GRAMD4: variants seen among roughly 807,000 people sequenced by gnomAD.
The protein encoded by GRAMD4 is GRAM domain containing 4.
Under a neutral mutation model 83.9 loss-of-function variants are expected in GRAMD4, and 25 were observed. That is an observed-to-expected ratio of 0.30 (90% CI 0.22 to 0.42). GRAMD4 has a LOEUF of 0.42. Ranked by LOEUF, GRAMD4 falls within the 10% of genes least tolerant of loss-of-function variation. The pLI, the probability that GRAMD4 is intolerant of heterozygous loss-of-function variation, is 1.00. For synonymous variants in GRAMD4, 336 were observed against 320.9 expected, an observed-to-expected ratio of 1.05 and a Z score of -0.50; for missense variants, 593 against 788.7, an observed-to-expected ratio of 0.75 and a Z score of 2.97.
intron 1 of GRAMD4, among the ~76,000 whole-genome samples, chr22:46,586,428 G>T (rs1211552709): frequency 6.6e-6 from 1 of 152,002 alleles, no homozygotes; most frequent in South Asian, 2.1e-4. Flanking sequence ...CCCCTCCTCT[G>T]TCTGCCCTCC....
intron 3 of GRAMD4, among the ~76,000 whole-genome samples, chr22:46,651,678 G>A (rs2082168526): frequency 6.6e-6 from 1 of 152,214 alleles, no homozygotes; most frequent in African/African-American, 2.4e-5. Context: ...ATGCGCTGTG[G>A]CAGGTCATGC....
chr22:46,642,528 A>G (rs1320031237), intron 3 of GRAMD4, among the ~76,000 whole-genome samples: 7 of 152,212 alleles, frequency 4.6e-5, no homozygotes, highest in Non-Finnish European at 1.0e-4. Flanking sequence ...TCCCTTGATA[A>G]TACACACAAT....
At chr22:46,578,520 G>T (rs1287405389) in intron 1 of GRAMD4, among the ~76,000 whole-genome samples, 2 of 152,326 alleles carry the variant, frequency 1.3e-5, no homozygotes, top group Admixed American at 6.5e-5. Context: ...CTGGGTTGGG[G>T]TTCAAAATGG....
chr22:46,634,236 T>G (rs548605078), intron 2 of GRAMD4, among the ~76,000 whole-genome samples: 1 of 152,276 alleles, frequency 6.6e-6, no homozygotes, highest in East Asian at 1.9e-4. Context: ...AGCTTAATGA[T>G]TATGACTTCC....
intron 1 of GRAMD4, among the ~76,000 whole-genome samples, chr22:46,590,490 T>A (rs951566274): frequency 6.6e-5 from 10 of 152,138 alleles, no homozygotes; most frequent in Non-Finnish European, 1.3e-4. Context: ...CCTGGGCCAC[T>A]GTGTGTGTGA....
At chr22:46,592,047 G>T (rs1193852140) in intron 1 of GRAMD4, among the ~76,000 whole-genome samples, 1 of 152,002 alleles carries the variant, frequency 6.6e-6, no homozygotes, top group Non-Finnish European at 1.5e-5. Context: ...CTTGTCAAGG[G>T]CATCACGGCA....
At chr22:46,646,900 A>C (rs576432327) in intron 3 of GRAMD4, among the ~76,000 whole-genome samples, 1 of 152,214 alleles carries the variant, frequency 6.6e-6, no homozygotes, top group African/African-American at 2.4e-5. Flanking sequence ...ACATCTTACC[A>C]GATAGCAGCA....
chr22:46,674,871 C>T (rs972389025), intron 16 of GRAMD4, 121 bp downstream of exon 16: 2 of 729,910 alleles, frequency 2.7e-6, no homozygotes, highest in African/African-American at 3.5e-5. Context: ...ATGGCCTCTC[C>T]CATGCTCTGC....
intron 1 of GRAMD4, among the ~76,000 whole-genome samples, chr22:46,579,285 C>T (rs943000677): frequency 6.6e-5 from 10 of 152,312 alleles, no homozygotes; most frequent in East Asian, 1.9e-4. Context: ...CTGTGGAGCC[C>T]GGCGCCGGCG....
intron 8 of GRAMD4, among the ~76,000 whole-genome samples, chr22:46,664,847 A>C (rs1325446435): frequency 6.6e-6 from 1 of 152,246 alleles, no homozygotes; most frequent in Non-Finnish European, 1.5e-5. Context: ...GCCCCTTGGG[A>C]GAGGTCCCCA....
rs2082550058 is a variant in GRAMD4 at position 46,673,726 on chromosome 22, AGAG to A, written c.1302_1304del (p.Glu434del). 2 of 1,612,746 alleles carry A rather than the reference AGAG, an allele frequency of 1.2e-6. No individual in the cohort carries two copies. Among genetic ancestry groups the A allele is most frequent in the South Asian group, 2.2e-5 (2 of 91,090 alleles). The stretch of plus-strand genomic sequence containing the variant: ...CCAGCGCACCGGCCGGCCTGGGTAA[AGAG>A]GAGGACGCCGGTCGCTTCCACAGCA... On this transcript the variant is annotated inframe_deletion, in exon 15 of 19. Coordinates refer to ENST00000406902, the MANE Select transcript of GRAMD4 (RefSeq NM_015124.5).
intron 2 of GRAMD4, among the ~76,000 whole-genome samples, chr22:46,628,561 G>A (rs1323935922): frequency 1.3e-5 from 1 of 77,704 alleles, no homozygotes; most frequent in Non-Finnish European, 2.4e-5. Context: ...GAGTGTGTGC[G>A]TGGTGTCTGA....
Position 46,622,135 on chromosome 22 carries a change from C to G in GRAMD4, c.-50+1570C>G, listed in dbSNP as rs78891098. On this transcript the variant is annotated intron_variant, in intron 1 of 18. Transcript: ENST00000406902. This position sits in a 1 kb window ranked among gnomAD's most constrained non-coding sequence, Gnocchi z 4.0. ...GGGACACTCAGGGCCTTTGTCCCCT[C>G]TCTCATTGCCTCATTTGCTTGCCTG... Among the ~76,000 whole-genome samples, 207 of 152,268 alleles carry G rather than the reference C, an allele frequency of 1.4e-3. 1 individual carries two copies. Among genetic ancestry groups the G allele is most frequent in the African/African-American group, 4.7e-3 (194 of 41,552 alleles).
At chr22:46,667,776 G>T (rs1428544632) in intron 10 of GRAMD4, among the ~76,000 whole-genome samples, 2 of 152,232 alleles carry the variant, frequency 1.3e-5, no homozygotes, top group African/African-American at 4.8e-5. Flanking sequence ...CCCATTGGCT[G>T]GGCCTCAGTT....
upstream of GRAMD4, among the ~76,000 whole-genome samples, chr22:46,576,833 G>A (rs749346249): frequency 6.8e-6 from 1 of 147,908 alleles, no homozygotes; most frequent in South Asian, 2.1e-4. Context: ...CAAGCGCGCG[G>A]ACGGCGTGGC....
Position 46,678,133 on chromosome 22 carries a change from G to A in GRAMD4, c.*882G>A. 1 of 985,636 alleles carries A rather than the reference G, an allele frequency of 1.0e-6. No homozygotes were observed. The highest frequency in any genetic ancestry group is 1.2e-6 in the Non-Finnish European group (1 of 830,052). The allele number at this position is 985,636 out of a possible 1,614,324, so 61.1% of individuals were successfully genotyped here. A position where few individuals can be genotyped will look rare whatever the true frequency, so the allele number is the denominator to read the frequency against. Reference sequence around the variant, plus strand: ...GCGAAGGCTGTTGGAGGTGCTCCGAGCACTGTGGCATGTCTGGCACATGGC... The same window carrying A: ...GCGAAGGCTGTTGGAGGTGCTCCGAACACTGTGGCATGTCTGGCACATGGC... On this transcript the variant is annotated 3_prime_UTR_variant, in exon 19 of 19. Transcript: ENST00000406902.
In GRAMD4 at chr22:46,673,661, C is replaced by T. The variant is rs759748612; in HGVS notation, c.1240-9C>T. ...CGGGCCTGACCTCGACGCTGTTTGC[C>T]GTTGGCAGCTGCAGACGACCTCGTC... On this transcript the variant is annotated splice_polypyrimidine_tract_variant and intron_variant, in intron 14 of 18. Coordinates refer to ENST00000406902, the MANE Select transcript of GRAMD4 (RefSeq NM_015124.5). The T allele has an allele frequency of 8.1e-6, 13 of 1,609,514 alleles. No individual in the cohort carries two copies. Among genetic ancestry groups the T allele is most frequent in the African/African-American group, 2.7e-5 (2 of 75,006 alleles).
upstream of GRAMD4, among the ~76,000 whole-genome samples, chr22:46,576,532 G>A (rs1041906108): frequency 1.3e-5 from 2 of 152,206 alleles, no homozygotes; most frequent in Non-Finnish European, 2.9e-5. Flanking sequence ...CAGATCCTGG[G>A]GACAGACAGC....
chr22:46,594,032 C>T (rs976176272), intron 1 of GRAMD4, among the ~76,000 whole-genome samples: 3 of 151,598 alleles, frequency 2.0e-5, no homozygotes, highest in Admixed American at 1.3e-4. Flanking sequence ...GCCATATTTT[C>T]GTTATTTTTA....
Sources: gnomAD v4.1 joint callset for allele counts (sites outside exome capture counted in the v4.1 genomes callset) on GRCh38, gnomAD v4.1.1 for gene constraint, Gnocchi (gnomAD v3.1) non-coding constraint, MANE v1.5 for transcripts, NCBI Gene and HGNC (gene_info 2026-07-23, HGNC 2026-07-21) for gene names.